The following CNBD2 variants were observed in gnomAD, a reference collection of about 807,000 sequenced individuals.
The protein encoded by CNBD2 is cyclic nucleotide binding domain containing 2, also known as cyclic nucleotide-binding domain-containing protein 2.
Under a neutral mutation model 63.7 loss-of-function variants are expected in CNBD2, and 64 were observed. That is an observed-to-expected ratio of 1.00 (90% CI 0.82 to 1.24). CNBD2 has a LOEUF of 1.24. Ranked by LOEUF, CNBD2 falls within the 50% of genes most tolerant of loss-of-function variation. The pLI is 0.00. For synonymous variants in CNBD2, 229 were observed against 255.4 expected (o/e 0.90, Z 0.99); for missense variants, 691 against 713.5 (o/e 0.97, Z 0.36).
chr20:36,025,017 G>C (rs1448113875), intron 11 of CNBD2, among the ~76,000 whole-genome samples: 1 of 152,188 alleles, frequency 6.6e-6, no homozygotes, highest in Non-Finnish European at 1.5e-5. Flanking sequence ...CAACAACATT[G>C]ATGTGTGCCA....
chr20:35,955,141 A>G (rs534241684), exon 1 of CNBD2: 80 of 168,084 alleles, frequency 4.8e-4, no homozygotes, highest in Non-Finnish European at 9.0e-4. Flanking sequence ...CTCTAAATGC[A>G]TTGCCCCTTA....
intron 8 of CNBD2, among the ~76,000 whole-genome samples, chr20:36,002,218 A>G (rs1470267581): frequency 6.6e-6 from 1 of 152,222 alleles, no homozygotes; most frequent in East Asian, 1.9e-4. Context: ...AACACAGCGA[A>G]ACCCCGTCTC....
At position 35,998,320 on chromosome 20, in the gene CNBD2, C is replaced by T. The variant is rs144814755; in HGVS notation, c.970+3168C>T. The stretch of plus-strand genomic sequence containing the variant: ...CCTCCCAAAGTGCTGGGATTATAGG[C>T]GTGAGCCACCACGCCTGGCCTCTGT... On this transcript the variant is annotated intron_variant, in intron 8 of 11. Transcript: ENST00000373973. Among the ~76,000 whole-genome samples, 610 of 151,938 alleles carry T rather than the reference C, an allele frequency of 4.0e-3. 2 individuals are homozygous for T. Among genetic ancestry groups the T allele is most frequent in the African/African-American group, 0.014 (572 of 41,480 alleles).
At chr20:35,971,794 T>C (rs1392165123) in intron 1 of CNBD2, among the ~76,000 whole-genome samples, 1 of 152,204 alleles carries the variant, frequency 6.6e-6, no homozygotes, top group Non-Finnish European at 1.5e-5. Flanking sequence ...CTTGAATCTT[T>C]ATTAATCTAG....
rs543796300 is a variant in CNBD2 at position 35,984,286 on chromosome 20, A to C, written c.564+148A>C. The C allele has an allele frequency of 2.3e-5, 18 of 798,896 alleles. No individual in the cohort carries two copies. The Admixed American group carries it at 5.0e-4, about 22-fold the overall frequency. The allele number at this position is 798,896 out of a possible 1,614,324, so 49.5% of individuals were successfully genotyped here. ...TGGGCCCCTTACCTGTCAAATGCTA[A>C]TTGAGTTGGACTAAGATCAGCCTCT... On this transcript the variant is annotated intron_variant, in intron 5 of 11. Coordinates refer to ENST00000373973, the MANE Select transcript of CNBD2 (RefSeq NM_001365709.1).
rs758580987 is a variant in CNBD2 at position 35,972,613 on chromosome 20, T to G, written c.52-16T>G. 2 of 1,613,480 alleles carry G rather than the reference T, an allele frequency of 1.2e-6. No individual in the cohort carries two copies. Among genetic ancestry groups the G allele is most frequent in the African/African-American group, 2.7e-5 (2 of 74,916 alleles). ...ACAGATGGTTTCTATTGATCTTGTT[T>G]GCTTTGTTTCCATAGGGACTGTACC... On this transcript the variant is annotated splice_polypyrimidine_tract_variant and intron_variant, in intron 1 of 11. Coordinates refer to ENST00000373973, the MANE Select transcript of CNBD2 (RefSeq NM_001365709.1).
chr20:35,969,946 T>A (rs2056389366), intron 1 of CNBD2, among the ~76,000 whole-genome samples: 1 of 152,240 alleles, frequency 6.6e-6, no homozygotes, highest in South Asian at 2.1e-4. Flanking sequence ...AATAGTATCA[T>A]GTTATTACTT....
Position 36,000,388 on chromosome 20 carries a change from T to C in CNBD2, c.970+5236T>C, listed in dbSNP as rs775849148. 3.2e-4 allele frequency among the ~76,000 whole-genome samples: 49 copies of C among 152,132 alleles called. 1 individual carries two copies. Among genetic ancestry groups the C allele is most frequent in the Non-Finnish European group, 1.2e-4 (8 of 68,032 alleles). On this transcript the variant is annotated intron_variant, in intron 8 of 11. Coordinates refer to ENST00000373973, the MANE Select transcript of CNBD2 (RefSeq NM_001365709.1). Reference sequence around the variant, plus strand: ...AACATTTTATTTATTTATTTATTTATATTTTTGAGACAGAGTCTCACTCTG... The same window carrying C: ...AACATTTTATTTATTTATTTATTTACATTTTTGAGACAGAGTCTCACTCTG...
chr20:36,002,631 A>G (rs1355455086), intron 8 of CNBD2, among the ~76,000 whole-genome samples: 1 of 152,082 alleles, frequency 6.6e-6, no homozygotes, highest in Admixed American at 6.5e-5. Flanking sequence ...ATAACCTTGT[A>G]TATTTTCTGT....
intron 8 of CNBD2, 65 bp downstream of exon 8, chr20:35,995,217 C>A: frequency 9.5e-7 from 1 of 1,058,146 alleles, no homozygotes; most frequent in Non-Finnish European, 1.5e-6. Flanking sequence ...CAGTTCCCAG[C>A]ACATAGAGCC....
intron 2 of CNBD2, 103 bp from the exon 3 acceptor site, chr20:35,975,846 C>A: frequency 9.3e-7 from 1 of 1,071,514 alleles, no homozygotes; most frequent in Non-Finnish European, 1.4e-6. Context: ...CCCATGGCTT[C>A]CTGCCCACCA....
intron 11 of CNBD2, among the ~76,000 whole-genome samples, chr20:36,024,680 G>A (rs190284493): frequency 4.6e-4 from 69 of 151,498 alleles, no homozygotes; most frequent in Middle Eastern, 6.8e-3. Context: ...TGTAATCCCA[G>A]CACTTTGGGA....
At chr20:35,998,093 G>A (rs1568893781) in intron 8 of CNBD2, among the ~76,000 whole-genome samples, 2 of 145,912 alleles carry the variant, frequency 1.4e-5, no homozygotes, top group Admixed American at 7.0e-5. Context: ...CCAGGCTGGA[G>A]TGCAGTGGTA....
intron 10 of CNBD2, among the ~76,000 whole-genome samples, chr20:36,022,195 CTTTTT>C (rs753206662): frequency 0.081 from 4,581 of 56,324 alleles, 365 homozygotes; most frequent in African/African-American, 0.33. Flanking sequence ...TTTTTTTTTT[CTTTTT>C]TTTTTTTTTT....
chr20:35,997,028 A>G (rs1348505753), intron 8 of CNBD2, among the ~76,000 whole-genome samples: 1 of 152,098 alleles, frequency 6.6e-6, no homozygotes, highest in Non-Finnish European at 1.5e-5. Context: ...AGCCTCTAGA[A>G]CTGGCCAGGG....
At chr20:35,979,162 C>T (rs190274242) in intron 3 of CNBD2, among the ~76,000 whole-genome samples, 162 of 152,204 alleles carry the variant, frequency 1.1e-3, no homozygotes, top group African/African-American at 3.8e-3. Context: ...GAGAAGCAGA[C>T]GGGCCAAGTC....
chr20:36,003,969 C>A (rs927420940), intron 8 of CNBD2, among the ~76,000 whole-genome samples: 3 of 152,130 alleles, frequency 2.0e-5, no homozygotes, highest in African/African-American at 7.2e-5. Flanking sequence ...TCCAGGCTAA[C>A]TCACGTGGCT....
chr20:35,960,527 T>C (rs1175553313), intron 2 of CNBD2, among the ~76,000 whole-genome samples: 1 of 152,160 alleles, frequency 6.6e-6, no homozygotes, highest in Non-Finnish European at 1.5e-5. Context: ...GTTTGTTTGT[T>C]TGTTTTATAG....
chr20:35,976,466 C>T (rs894910808), intron 3 of CNBD2, among the ~76,000 whole-genome samples: 8 of 152,158 alleles, frequency 5.3e-5, no homozygotes, highest in African/African-American at 1.2e-4. Flanking sequence ...TCAGGTGCAG[C>T]GCAGCTGTTG....
Sources: gnomAD v4.1 joint callset for allele counts (sites outside exome capture counted in the v4.1 genomes callset) on GRCh38, gnomAD v4.1.1 for gene constraint, MANE v1.5 for transcripts, NCBI Gene and HGNC (gene_info 2026-07-23, HGNC 2026-07-21) for gene names.